The following TBCA variants were observed in gnomAD, a reference collection of about 807,000 sequenced individuals.
The protein encoded by TBCA is tubulin-specific chaperone A.
In TBCA, 6 loss-of-function variants were observed where a neutral mutation model predicts 15.8. That is an observed-to-expected ratio of 0.38 (90% CI 0.21 to 0.75). The LOEUF (loss-of-function observed/expected upper bound fraction) is 0.75. Among genes scored for constraint, TBCA ranks in the 30% least tolerant of loss-of-function variants. The probability of loss-of-function intolerance (pLI) is 0.46; values close to 1 mark genes in which losing one functional copy is unlikely to be tolerated. For missense variants in TBCA, 90 were observed against 131.2 expected (o/e 0.69, Z 1.53); for synonymous variants, 32 against 42.3 (o/e 0.76, Z 0.94).
rs972786827 is a variant in TBCA, at chr5:77,691,174, C to T, written c.*244G>A. 1 of 440,898 alleles carries T rather than the reference C, an allele frequency of 2.3e-6. No individual in the cohort carries two copies. The highest frequency in any genetic ancestry group is 4.0e-6 in the Non-Finnish European group (1 of 247,028). 27.3% of individuals were successfully genotyped at this position (440,898 alleles called of 1,614,324 possible). A position where few individuals can be genotyped will look rare whatever the true frequency, so the allele number is the denominator to read the frequency against. On this transcript the variant is annotated 3_prime_UTR_variant, in exon 4 of 4. Transcript: ENST00000380377. ...AACCTAACAGATTATAGTTCTCTGT[C>T]ATAAAGTCTATGTGGTTTAATGATA...
intron 1 of TBCA, among the ~76,000 whole-genome samples, chr5:77,712,602 CAT>C (rs1394853571): frequency 6.6e-6 from 1 of 152,028 alleles, no homozygotes; most frequent in Non-Finnish European, 1.5e-5. Flanking sequence ...AAAAATCACT[CAT>C]AATCACTACA....
chr5:77,728,513 T>C (rs1365281071), intron 1 of TBCA, among the ~76,000 whole-genome samples: 5 of 152,236 alleles, frequency 3.3e-5, no homozygotes, highest in East Asian at 3.9e-4. Context: ...ATGTAAACCA[T>C]GGCAGTCAAG....
At chr5:77,725,025 C>T (rs1746601173) in intron 1 of TBCA, among the ~76,000 whole-genome samples, 1 of 152,088 alleles carries the variant, frequency 6.6e-6, no homozygotes, top group African/African-American at 2.4e-5. Flanking sequence ...CCATAAGCTA[C>T]CTGCCAATAT....
intron 1 of TBCA, among the ~76,000 whole-genome samples, chr5:77,730,400 A>G (rs1048860303): frequency 1.6e-5 from 2 of 126,798 alleles, no homozygotes; most frequent in African/African-American, 5.2e-5. Flanking sequence ...ATTCTTCCCT[A>G]AGCCTCTTGG....
At chr5:77,774,055 G>A (rs1256966406) in intron 1 of TBCA, among the ~76,000 whole-genome samples, 1 of 152,182 alleles carries the variant, frequency 6.6e-6, no homozygotes, top group Non-Finnish European at 1.5e-5. Context: ...AGGCCATGAT[G>A]GGAAGAGGGG....
chr5:77,703,095 T>TA (rs1746061022), intron 2 of TBCA, among the ~76,000 whole-genome samples: 3 of 151,778 alleles, frequency 2.0e-5, no homozygotes, highest in South Asian at 2.1e-4. Context: ...TTTCAAAGAG[T>TA]AAAAAAAAGC....
At chr5:77,715,141 T>C in intron 1 of TBCA, 1 of 660,824 alleles carries the variant, frequency 1.5e-6, no homozygotes, top group Middle Eastern at 3.4e-4. Flanking sequence ...ATAAGCTATG[T>C]AAATAACTGA....
intron 1 of TBCA, among the ~76,000 whole-genome samples, chr5:77,735,336 T>C (rs1746875544): frequency 6.6e-6 from 1 of 152,204 alleles, no homozygotes; most frequent in Non-Finnish European, 1.5e-5. Flanking sequence ...AGGGGATTAA[T>C]TTTTCAAAGG....
intron 1 of TBCA, among the ~76,000 whole-genome samples, chr5:77,760,389 T>TTTTCC (rs369787943): frequency 4.6e-5 from 7 of 152,194 alleles, no homozygotes; most frequent in South Asian, 2.1e-4. Flanking sequence ...CCTTCCTCCT[T>TTTTCC]TTTCCTTTCC....
At chr5:77,735,069 G>A (rs1313075715) in intron 1 of TBCA, among the ~76,000 whole-genome samples, 3 of 152,140 alleles carry the variant, frequency 2.0e-5, no homozygotes, top group African/African-American at 7.2e-5. Context: ...ACTTTTATAT[G>A]CACTTGAGAA....
intron 1 of TBCA, among the ~76,000 whole-genome samples, chr5:77,718,861 A>C (rs968847301): frequency 1.3e-5 from 2 of 152,158 alleles, no homozygotes; most frequent in Non-Finnish European, 2.9e-5. Context: ...CTCATTCTTC[A>C]AAACTTAACT....
intron 1 of TBCA, among the ~76,000 whole-genome samples, chr5:77,770,196 T>C (rs1401906196): frequency 6.6e-6 from 1 of 152,206 alleles, no homozygotes; most frequent in African/African-American, 2.4e-5. Flanking sequence ...TGCAGATAAG[T>C]CACTTAGCTG....
At chr5:77,742,872 A>G (rs1394001660) in intron 1 of TBCA, among the ~76,000 whole-genome samples, 2 of 152,214 alleles carry the variant, frequency 1.3e-5, no homozygotes, top group Non-Finnish European at 2.9e-5. Flanking sequence ...GAGAAAAAAG[A>G]CCCAGAAATG....
intron 1 of TBCA, among the ~76,000 whole-genome samples, chr5:77,709,064 TG>T (rs1746215381): frequency 2.0e-5 from 3 of 151,930 alleles, no homozygotes; most frequent in African/African-American, 7.2e-5. Flanking sequence ...CTCAGTTTAC[TG>T]GCAGGGGAAA....
chr5:77,696,463 T>C (rs982546283), intron 2 of TBCA, among the ~76,000 whole-genome samples: 3 of 152,214 alleles, frequency 2.0e-5, no homozygotes, highest in Non-Finnish European at 4.4e-5. Context: ...TACGCTCTAA[T>C]GTATCAATAA....
At chr5:77,716,176 A>G (rs1244660922) in intron 1 of TBCA, among the ~76,000 whole-genome samples, 1 of 152,228 alleles carries the variant, frequency 6.6e-6, no homozygotes, top group Non-Finnish European at 1.5e-5. Context: ...GAAGACATCA[A>G]TATTTCAGAA....
chr5:77,738,603 G>C (rs1169461088), intron 1 of TBCA, among the ~76,000 whole-genome samples: 1 of 152,078 alleles, frequency 6.6e-6, no homozygotes, highest in East Asian at 1.9e-4. Flanking sequence ...TTTTTTTGGA[G>C]ACGGAGTCTC....
intron 1 of TBCA, among the ~76,000 whole-genome samples, chr5:77,710,637 G>A (rs1423709058): frequency 6.6e-6 from 1 of 152,140 alleles, no homozygotes; most frequent in Non-Finnish European, 1.5e-5. Flanking sequence ...GAAACATGAG[G>A]GCTGCATTCC....
intron 2 of TBCA, among the ~76,000 whole-genome samples, chr5:77,706,810 TAAAAA>T (rs370852221): frequency 4.6e-5 from 5 of 108,446 alleles, no homozygotes; most frequent in East Asian, 5.2e-4. Context: ...GACTCCATCT[TAAAAA>T]AAAAAAAAAA....
Sources: gnomAD v4.1 joint callset for allele counts (sites outside exome capture counted in the v4.1 genomes callset) on GRCh38, gnomAD v4.1.1 for gene constraint, MANE v1.5 for transcripts, NCBI Gene and HGNC (gene_info 2026-07-23, HGNC 2026-07-21) for gene names.